The following TDRD7 variants were observed in gnomAD, a reference collection of about 807,000 sequenced individuals.
TDRD7 encodes the protein tudor domain-containing protein 7.
TDRD7 carries 47 observed loss-of-function variants against 109.8 expected under a neutral mutation model. That is an observed-to-expected ratio of 0.43 (90% CI 0.34 to 0.55). The LOEUF is 0.55. Ranked by LOEUF, TDRD7 falls within the 20% of genes least tolerant of loss-of-function variation. The pLI is 0.03. For synonymous variants in TDRD7, 424 were observed against 457.3 expected (o/e 0.93, Z 0.93); for missense variants, 1,164 against 1,319.2 (o/e 0.88, Z 1.82).
At chr9:97,437,952 A>C (rs779868947) in intron 4 of TDRD7, among the ~76,000 whole-genome samples, 1 of 152,000 alleles carries the variant, frequency 6.6e-6, no homozygotes, top group Non-Finnish European at 1.5e-5. Context: ...TGCTATATAC[A>C]CTTTTTTCTT....
At chr9:97,453,357 A>T (rs1444877815) in intron 6 of TDRD7, among the ~76,000 whole-genome samples, 2 of 151,954 alleles carry the variant, frequency 1.3e-5, no homozygotes, top group Non-Finnish European at 1.5e-5. Context: ...GTCCCATAAG[A>T]TTATAATGGA....
In TDRD7 at chr9:97,430,947, C is replaced by T; in HGVS notation, c.222C>T (p.Ala74=). ...TSRSGEITCY[A]MACTETARIA... is the part of the protein sequence containing the mutation. ...CTAATGAATAGATTACCTGCTATGC[C>T]ATGGCCTGCACAGAAACTGCAAGAA... The change falls in exon 3 of 17, where the codon GCC becomes GCT. Residue 74 remains alanine (A), a synonymous_variant. Coordinates refer to ENST00000355295, the MANE Select transcript of TDRD7 (RefSeq NM_014290.3). 2 of 1,613,802 alleles carry T rather than the reference C, an allele frequency of 1.2e-6. No individual in the cohort carries two copies. The highest frequency in any genetic ancestry group is 1.7e-6 in the Non-Finnish European group (2 of 1,179,804).
intron 16 of TDRD7, among the ~76,000 whole-genome samples, chr9:97,494,734 T>G: frequency 7.2e-6 from 1 of 137,974 alleles, no homozygotes. Flanking sequence ...TTCGAGAGGG[T>G]CTCACTTTGT....
intron 16 of TDRD7, among the ~76,000 whole-genome samples, chr9:97,490,785 G>T (rs1829294662): frequency 6.8e-6 from 1 of 147,556 alleles, no homozygotes. Context: ...GAAAGTTTCT[G>T]TTGTCATATC....
intron 13 of TDRD7, among the ~76,000 whole-genome samples, chr9:97,479,771 G>A (rs1829083641): frequency 6.6e-6 from 1 of 152,078 alleles, no homozygotes; most frequent in African/African-American, 2.4e-5. Flanking sequence ...AATGTGAACT[G>A]GTTGCCAGGA....
At chr9:97,489,310 GTATTTTGATGATCTGTTATTAGA>G (rs1401350138) in intron 16 of TDRD7, among the ~76,000 whole-genome samples, 1 of 152,048 alleles carries the variant, frequency 6.6e-6, no homozygotes, top group Non-Finnish European at 1.5e-5. Flanking sequence ...TTTGCCTCAT[GTATTTTGATGATCTGTTATTAGA>G]TGCATGTACA....
At chr9:97,450,873 T>TAAG (rs1828477596) in intron 6 of TDRD7, among the ~76,000 whole-genome samples, 1 of 152,034 alleles carries the variant, frequency 6.6e-6, no homozygotes, top group South Asian at 2.1e-4. Flanking sequence ...ATACAATTCC[T>TAAG]AAAATCCAAA....
intron 6 of TDRD7, among the ~76,000 whole-genome samples, chr9:97,451,049 T>A (rs1828481409): frequency 6.6e-6 from 1 of 151,994 alleles, no homozygotes; most frequent in African/African-American, 2.4e-5. Context: ...GTAGAGGGCC[T>A]AAAGATTAGG....
intron 6 of TDRD7, among the ~76,000 whole-genome samples, chr9:97,444,815 T>C (rs1828371776): frequency 6.6e-6 from 1 of 152,222 alleles, no homozygotes; most frequent in South Asian, 2.1e-4. Flanking sequence ...CAGAGATTAC[T>C]ACTTACAGGA....
chr9:97,458,048 A>T (rs2131146214), intron 6 of TDRD7, among the ~76,000 whole-genome samples: 1 of 152,286 alleles, frequency 6.6e-6, no homozygotes, highest in African/African-American at 2.4e-5. Context: ...GGATAGGTGT[A>T]GCAAACCACT....
At chr9:97,462,887 C>G (rs1039059299) in intron 7 of TDRD7, among the ~76,000 whole-genome samples, 10 of 152,374 alleles carry the variant, frequency 6.6e-5, no homozygotes, top group African/African-American at 2.4e-4. Flanking sequence ...TCATCACCTT[C>G]CTCCCTTCTG....
intron 6 of TDRD7, among the ~76,000 whole-genome samples, chr9:97,454,080 C>A (rs996402916): frequency 6.6e-6 from 1 of 152,226 alleles, no homozygotes; most frequent in Non-Finnish European, 1.5e-5. Flanking sequence ...TACCCCAAAT[C>A]AACAGAATAT....
At chr9:97,476,896 T>C (rs1047840546) in intron 12 of TDRD7, among the ~76,000 whole-genome samples, 11 of 152,204 alleles carry the variant, frequency 7.2e-5, no homozygotes, top group Admixed American at 3.3e-4. Flanking sequence ...TAAAACTTGG[T>C]CATGTCTACT....
intron 6 of TDRD7, among the ~76,000 whole-genome samples, chr9:97,444,593 A>C (rs553816291): frequency 6.6e-6 from 1 of 152,346 alleles, no homozygotes; most frequent in Non-Finnish European, 1.5e-5. Flanking sequence ...AGGCAGTGCA[A>C]AAAGTTTAGG....
intron 1 of TDRD7, among the ~76,000 whole-genome samples, chr9:97,419,138 G>A (rs1827858367): frequency 6.6e-6 from 1 of 152,178 alleles, no homozygotes; most frequent in South Asian, 2.1e-4. Context: ...TAATGCGTAT[G>A]TAGCTGATAG....
intron 6 of TDRD7, among the ~76,000 whole-genome samples, chr9:97,443,801 A>G (rs1828353283): frequency 1.3e-5 from 2 of 152,250 alleles, no homozygotes; most frequent in South Asian, 2.1e-4. Flanking sequence ...AGTTTTCTGT[A>G]AAACTTAGAG....
At chr9:97,420,962 A>G (rs1235006545) in intron 1 of TDRD7, among the ~76,000 whole-genome samples, 1 of 152,098 alleles carries the variant, frequency 6.6e-6, no homozygotes, top group African/African-American at 2.4e-5. Context: ...GTGAAACCCC[A>G]TATCTACCAA....
At chr9:97,416,098 A>G (rs571208442) in intron 1 of TDRD7, among the ~76,000 whole-genome samples, 30 of 152,186 alleles carry the variant, frequency 2.0e-4, no homozygotes, top group Admixed American at 9.8e-4. Flanking sequence ...TCCAGGTTTT[A>G]CTGCATTTAA....
At chr9:97,454,998 C>T (rs953205334) in intron 6 of TDRD7, among the ~76,000 whole-genome samples, 2 of 152,096 alleles carry the variant, frequency 1.3e-5, no homozygotes, top group African/African-American at 2.4e-5. Flanking sequence ...GGGGATATCA[C>T]CACTGACCCC....
Sources: allele counts gnomAD v4.1 joint callset (sites outside exome capture counted in the v4.1 genomes callset), GRCh38; gene constraint gnomAD v4.1.1; transcripts MANE v1.5; gene names NCBI Gene and HGNC (gene_info 2026-07-23, HGNC 2026-07-21).